The following ACVR2A variants were observed in gnomAD, a reference collection of about 807,000 sequenced individuals.
ACVR2A encodes activin receptor type-2A.
Under a neutral mutation model 61.4 loss-of-function variants are expected in ACVR2A, and 7 were observed. That is an observed-to-expected ratio of 0.11 (90% CI 0.06 to 0.21). The LOEUF (loss-of-function observed/expected upper bound fraction) is 0.21, where lower values mean the gene tolerates loss of function less well. ACVR2A is among the 10% of genes least tolerant of loss of function. ACVR2A has a pLI of 1.00. For missense variants in ACVR2A, 322 were observed against 621.7 expected, an observed-to-expected ratio of 0.52 and a Z score of 5.13; for synonymous variants, 193 against 208.3, an observed-to-expected ratio of 0.93 and a Z score of 0.63.
chr2:147,853,662 G>C (rs1685498382), intron 1 of ACVR2A, among the ~76,000 whole-genome samples: 1 of 152,078 alleles, frequency 6.6e-6, no homozygotes, highest in Non-Finnish European at 1.5e-5. Flanking sequence ...TACACATGTG[G>C]GGAGGGGTTG....
At chr2:147,914,586 G>A (rs1447573534) in intron 4 of ACVR2A, among the ~76,000 whole-genome samples, 1 of 151,852 alleles carries the variant, frequency 6.6e-6, no homozygotes, top group Non-Finnish European at 1.5e-5. Context: ...GGGATGAATT[G>A]TTAATATGTT....
At chr2:147,910,383 A>G (rs998030233) in intron 4 of ACVR2A, among the ~76,000 whole-genome samples, 1 of 152,172 alleles carries the variant, frequency 6.6e-6, no homozygotes, top group Non-Finnish European at 1.5e-5. Context: ...ACCATAGTCT[A>G]CTTATTCAGT....
At chr2:147,861,491 G>A (rs1573916074) in intron 1 of ACVR2A, among the ~76,000 whole-genome samples, 1 of 152,126 alleles carries the variant, frequency 6.6e-6, no homozygotes, top group African/African-American at 2.4e-5. Context: ...ATGTCATTCA[G>A]TAGTATACAG....
chr2:147,919,654 A>C (rs1290591588), intron 7 of ACVR2A, among the ~76,000 whole-genome samples: 1 of 152,102 alleles, frequency 6.6e-6, no homozygotes, highest in East Asian at 1.9e-4. Flanking sequence ...TACTGCCTTA[A>C]AACTGTTACC....
rs1181507453 is a variant in ACVR2A at position 147,921,056 on chromosome 2, CAG to C, written c.1077+715_1077+716del. On this transcript the variant is annotated intron_variant, in intron 8 of 10. Coordinates refer to ENST00000241416, the MANE Select transcript of ACVR2A (RefSeq NM_001616.5). ...TTTATTTATTTATTTATTTTTGAGA[CAG>C]AGTCTCGCTCTGTCACCCAGGCTGG... is the stretch of plus-strand genomic sequence containing the variant. Among the ~76,000 whole-genome samples the C allele has an allele frequency of 6.6e-5, 10 of 152,166 alleles. No homozygotes were observed. In the East Asian group the frequency reaches 1.7e-3, roughly 27 times the overall value.
chr2:147,929,508 GGTATT>G lies in ACVR2A; in HGVS notation c.*2240_*2244del, dbSNP rs1346899297. On this transcript the variant is annotated 3_prime_UTR_variant, in exon 11 of 11. Coordinates refer to ENST00000241416, the MANE Select transcript of ACVR2A (RefSeq NM_001616.5). ...TTAGAAAAAATTTTTAGAAATCCTG[GGTATT>G]GTATTTAACTGTAGCTAACCAATTT... 1.3e-5 allele frequency: 2 copies of G among 152,120 alleles called. No individual in the cohort carries two copies. Among genetic ancestry groups the G allele is most frequent in the African/African-American group, 4.8e-5 (2 of 41,310 alleles). 9.4% of individuals were successfully genotyped at this position (152,120 alleles called of 1,614,324 possible).
intron 1 of ACVR2A, among the ~76,000 whole-genome samples, chr2:147,880,183 G>T (rs986516057): frequency 1.3e-5 from 2 of 152,098 alleles, no homozygotes; most frequent in African/African-American, 4.8e-5. Flanking sequence ...TTATCAAGCA[G>T]TGATGACTAG....
chr2:147,921,270 A>C (rs987085166), intron 8 of ACVR2A, among the ~76,000 whole-genome samples: 1 of 152,124 alleles, frequency 6.6e-6, no homozygotes, highest in Middle Eastern at 3.2e-3. Context: ...CCTGACCTCA[A>C]GTGATCCTCC....
intron 7 of ACVR2A, 98 bp from the exon 8 acceptor site, chr2:147,920,132 T>G: frequency 2.7e-6 from 2 of 745,902 alleles, no homozygotes; most frequent in Non-Finnish European, 4.4e-6. Flanking sequence ...AGTAACTATT[T>G]TTTCATAGTG....
Position 147,929,783 on chromosome 2 carries a change from CTG to C in ACVR2A, c.*2510_*2511del, listed in dbSNP as rs1558818713. On this transcript the variant is annotated 3_prime_UTR_variant, in exon 11 of 11. Transcript: ENST00000241416. ...AAATGGTGATCCATTTTGGGGCAAACTGAGACCCCCCAAATAACTCTTTCCTC... is the reference window on the plus strand; with the variant it reads ...AAATGGTGATCCATTTTGGGGCAAACAGACCCCCCAAATAACTCTTTCCTC... 1.3e-5 allele frequency: 2 copies of C among 152,192 alleles called. No homozygotes were observed. Among genetic ancestry groups the C allele is most frequent in the Non-Finnish European group, 2.9e-5 (2 of 67,932 alleles). 9.4% of individuals were successfully genotyped at this position (152,192 alleles called of 1,614,324 possible). A position where few individuals can be genotyped will look rare whatever the true frequency, so the allele number is the denominator to read the frequency against.
At chr2:147,897,259 C>G (rs1686760527) in intron 2 of ACVR2A, 1 of 152,244 alleles carries the variant, frequency 6.6e-6, no homozygotes, top group African/African-American at 2.4e-5. Context: ...CCGCCTACCT[C>G]AGCCTCCCAA....
intron 1 of ACVR2A, among the ~76,000 whole-genome samples, chr2:147,885,245 A>G (rs1228512380): frequency 2.0e-5 from 3 of 152,134 alleles, no homozygotes; most frequent in African/African-American, 4.8e-5. Context: ...AAGTCATCTT[A>G]TATTTGAGTC....
chr2:147,891,661 A>G (rs1261636863), intron 1 of ACVR2A, among the ~76,000 whole-genome samples: 1 of 152,216 alleles, frequency 6.6e-6, no homozygotes, highest in African/African-American at 2.4e-5. Context: ...TTTTAATGCA[A>G]CATAATCATG....
At chr2:147,890,148 G>A (rs1686545855) in intron 1 of ACVR2A, among the ~76,000 whole-genome samples, 1 of 152,032 alleles carries the variant, frequency 6.6e-6, no homozygotes, top group South Asian at 2.1e-4. Flanking sequence ...GATTACCAGT[G>A]GGTCTTTGCA....
rs1037019305 is a variant in ACVR2A at position 147,928,902 on chromosome 2, A to C, written c.*1628A>C. The C allele has an allele frequency of 1.3e-5, 2 of 152,446 alleles. No individual in the cohort carries two copies. Among genetic ancestry groups the C allele is most frequent in the Non-Finnish European group, 2.9e-5 (2 of 67,948 alleles). 9.4% of individuals were successfully genotyped at this position (152,446 alleles called of 1,614,324 possible). A position where few individuals can be genotyped will look rare whatever the true frequency, so the allele number is the denominator to read the frequency against. ...CTGTGTATTTCTGTCAGGTCATTTT[A>C]AAATCCATGTTAATTTTATAAAAGA... On this transcript the variant is annotated 3_prime_UTR_variant, in exon 11 of 11. Transcript: ENST00000241416.
chr2:147,881,589 CAAG>C (rs1037675588), intron 1 of ACVR2A, among the ~76,000 whole-genome samples: 5 of 125,792 alleles, frequency 4.0e-5, no homozygotes, highest in South Asian at 5.4e-4. Flanking sequence ...TTTCTCCTCT[CAAG>C]AAGCTGCTTA....
At chr2:147,887,326 A>G (rs1046337510) in intron 1 of ACVR2A, among the ~76,000 whole-genome samples, 4 of 152,248 alleles carry the variant, frequency 2.6e-5, no homozygotes, top group African/African-American at 9.6e-5. Context: ...AGCTACATCC[A>G]GATATTTTTT....
At chr2:147,872,030 C>G (rs1329996008) in intron 1 of ACVR2A, among the ~76,000 whole-genome samples, 1 of 152,070 alleles carries the variant, frequency 6.6e-6, no homozygotes, top group East Asian at 1.9e-4. Flanking sequence ...TTTTACCCAA[C>G]ATAGTGACAA....
At chr2:147,847,702 A>G (rs2105127219) in intron 1 of ACVR2A, among the ~76,000 whole-genome samples, 1 of 152,288 alleles carries the variant, frequency 6.6e-6, no homozygotes, top group South Asian at 2.1e-4. Context: ...ATTCCAGGGG[A>G]AACATTTTAA....
Sources: allele counts gnomAD v4.1 joint callset (sites outside exome capture counted in the v4.1 genomes callset), GRCh38; gene constraint gnomAD v4.1.1; transcripts MANE v1.5; gene names NCBI Gene and HGNC (gene_info 2026-07-23, HGNC 2026-07-21).